Variants in RACGAP1 observed in about 807,000 individuals in gnomAD.
RACGAP1 encodes Rac GTPase activating protein 1.
Under a neutral mutation model 78.1 loss-of-function variants are expected in RACGAP1, and 30 were observed. The ratio of observed to expected loss-of-function variants is 0.38; its 90% CI spans 0.29 to 0.52. RACGAP1 has a LOEUF of 0.52. Among genes scored for constraint, RACGAP1 ranks in the 20% least tolerant of loss-of-function variants. The probability of loss-of-function intolerance (pLI) is 0.82; values close to 1 mark genes in which losing one functional copy is unlikely to be tolerated. For synonymous variants in RACGAP1, 231 were observed against 264.8 expected (o/e 0.87, Z 1.24); for missense variants, 587 against 777.1 (o/e 0.76, Z 2.91).
chr12:50,000,574 C>G (rs11829698), intron 7 of RACGAP1, among the ~76,000 whole-genome samples: 10,960 of 151,986 alleles, frequency 0.072, 1,326 homozygotes, highest in African/African-American at 0.25. Context: ...TCGAGTCATC[C>G]TGGGCAGCAA....
chr12:49,999,207 C>A lies in RACGAP1; in HGVS notation c.813G>T (p.Glu271Asp). 1 of 1,614,150 alleles carries A rather than the reference C, an allele frequency of 6.2e-7. No homozygotes were observed. Among genetic ancestry groups the A allele is most frequent in the South Asian group, 1.1e-5 (1 of 91,072 alleles). The change falls in exon 9 of 17, where the codon GAG (glutamate) becomes GAT (aspartate). Residue 271 changes from glutamate to aspartate, a missense_variant. By Grantham distance (45) the Glu-to-Asp change is conservative. Transcript: ENST00000312377. ...LNSRQLEPRT[E>D]TDSVGTPQSN... ...TCTGTGGCGTGCCCACACTGTCTGT[C>A]TCAGTTCTTGGCTCCAGCTGCCTGC...
intron 2 of RACGAP1, among the ~76,000 whole-genome samples, chr12:50,011,134 C>CAA (rs1376303245): frequency 6.6e-6 from 1 of 151,732 alleles, no homozygotes; most frequent in Non-Finnish European, 1.5e-5. Context: ...GTCAGGAGTT[C>CAA]AAGACCAGCC....
At chr12:50,006,698 A>G in intron 2 of RACGAP1, 62 bp from the exon 3 acceptor site, 1 of 1,489,284 alleles carries the variant, frequency 6.7e-7, no homozygotes, top group Non-Finnish European at 9.2e-7. Context: ...GCTCTAATAA[A>G]TGAGTCCTAC....
At chr12:50,005,192 T>A in intron 4 of RACGAP1, 64 bp downstream of exon 4, 1 of 1,594,652 alleles carries the variant, frequency 6.3e-7, no homozygotes, top group Non-Finnish European at 8.6e-7. Context: ...AGAATTCAGA[T>A]AACAAGAATA....
intron 1 of RACGAP1, among the ~76,000 whole-genome samples, chr12:50,024,561 C>G (rs1024272358): frequency 6.4e-4 from 98 of 152,096 alleles, no homozygotes; most frequent in Non-Finnish European, 1.9e-4. Context: ...GTACAATGTT[C>G]ACTATTTGAG....
In RACGAP1 at chr12:50,000,018, A is replaced by ATTT. The variant is rs757681041; in HGVS notation, c.631-288_631-286dup. ...AAGCATGCGCCACCACACCTGACTG[A>ATTT]TTTTTTTTTTTTTGAGACGGAGTCT... is the stretch of plus-strand genomic sequence containing the variant. On this transcript the variant is annotated intron_variant, in intron 7 of 16. Coordinates refer to ENST00000312377, the MANE Select transcript of RACGAP1 (RefSeq NM_001319999.2). Among the ~76,000 whole-genome samples, 216 of 99,612 alleles carry ATTT rather than the reference A, an allele frequency of 2.2e-3. 8 individuals carry two copies. The East Asian group carries it at 0.038, about 17-fold the overall frequency. The allele number at this position is 99,612 out of a possible 152,430, so 65.3% of individuals were successfully genotyped here. A position where few individuals can be genotyped will look rare whatever the true frequency, so the allele number is the denominator to read the frequency against.
chr12:50,025,193 C>T lies in RACGAP1; in HGVS notation c.-5+205G>A, dbSNP rs890187150. ...ACAAAACCCGGCGCCAAGACAGAAG[C>T]CCCCGACCCTCCCAGGCCGCGTCCA... On this transcript the variant is annotated intron_variant, in intron 1 of 16. Transcript: ENST00000312377. 12 of 599,374 alleles carry T rather than the reference C, an allele frequency of 2.0e-5. No individual in the cohort carries two copies. The South Asian group carries it at 8.1e-4, about 41-fold the overall frequency. The allele number at this position is 599,374 out of a possible 1,614,324, so 37.1% of individuals were successfully genotyped here.
chr12:50,013,303 C>T (rs1424388752), intron 2 of RACGAP1, among the ~76,000 whole-genome samples: 1 of 152,066 alleles, frequency 6.6e-6, no homozygotes, highest in African/African-American at 2.4e-5. Flanking sequence ...AGCACTCCCA[C>T]AAAGAAAATA....
At chr12:50,004,902 A>C (rs2137428023) in intron 4 of RACGAP1, among the ~76,000 whole-genome samples, 1 of 152,338 alleles carries the variant, frequency 6.6e-6, no homozygotes, top group East Asian at 1.9e-4. Flanking sequence ...CTAAACCAGA[A>C]GAGCTGTAAG....
At chr12:50,013,508 A>G (rs1949477686) in intron 2 of RACGAP1, among the ~76,000 whole-genome samples, 1 of 151,984 alleles carries the variant, frequency 6.6e-6, no homozygotes, top group African/African-American at 2.4e-5. Flanking sequence ...CTTCATAACC[A>G]CCATTCCAGT....
upstream of RACGAP1, among the ~76,000 whole-genome samples, chr12:50,025,886 A>G (rs1481914888): frequency 5.9e-5 from 9 of 152,196 alleles, no homozygotes; most frequent in African/African-American, 1.7e-4. Flanking sequence ...ACTGAGCTAT[A>G]TTATCCCTTC....
intron 1 of RACGAP1, among the ~76,000 whole-genome samples, chr12:50,019,251 C>A (rs76465602): frequency 0.011 from 1,656 of 152,256 alleles, 50 homozygotes; most frequent in Admixed American, 0.059. Flanking sequence ...CCTTCCCCTA[C>A]TGCTTCAGGC....
At chr12:49,991,234 A>G (rs1490591366) in intron 15 of RACGAP1, among the ~76,000 whole-genome samples, 1 of 151,970 alleles carries the variant, frequency 6.6e-6, no homozygotes, top group African/African-American at 2.4e-5. Flanking sequence ...ACATACCAAG[A>G]CACATAAAAA....
At chr12:50,031,330 T>G (rs931317840) in intron 2 of RACGAP1, among the ~76,000 whole-genome samples, 3 of 150,684 alleles carry the variant, frequency 2.0e-5, no homozygotes, top group Non-Finnish European at 4.4e-5. Flanking sequence ...TACAAAAAAA[T>G]TAGCCGGCCA....
rs1336987722 is a variant in RACGAP1, at chr12:50,002,232, A to C, written c.549+15T>G. 6.2e-7 allele frequency: 1 copy of C among 1,610,278 alleles called. No individual in the cohort carries two copies. The highest frequency in any genetic ancestry group is 1.1e-5 in the South Asian group (1 of 90,730). On this transcript the variant is annotated intron_variant, in intron 6 of 16. Coordinates refer to ENST00000312377, the MANE Select transcript of RACGAP1 (RefSeq NM_001319999.2). ...TTACTTTGTTTTAAAAAAAGACTAAACAAATCATACATACCCTCTTTTCTC... is the reference window on the plus strand; with the variant it reads ...TTACTTTGTTTTAAAAAAAGACTAACCAAATCATACATACCCTCTTTTCTC...
At chr12:50,008,571 C>A (rs1592184338) in intron 2 of RACGAP1, among the ~76,000 whole-genome samples, 1 of 152,068 alleles carries the variant, frequency 6.6e-6, no homozygotes, top group Admixed American at 6.6e-5. Context: ...TGGCTCACCG[C>A]AACCTCCGCC....
chr12:50,009,924 C>T (rs2137504762), intron 2 of RACGAP1, among the ~76,000 whole-genome samples: 1 of 152,296 alleles, frequency 6.6e-6, no homozygotes, highest in African/African-American at 2.4e-5. Flanking sequence ...TTCTAGATTA[C>T]CCAAAAGCAT....
At chr12:50,024,735 C>G (rs1008343102) in intron 1 of RACGAP1, among the ~76,000 whole-genome samples, 11 of 151,866 alleles carry the variant, frequency 7.2e-5, no homozygotes, top group African/African-American at 2.4e-4. Context: ...CTCTAAACAC[C>G]TACAATAACT....
chr12:50,009,257 A>AAAAAAAG (rs1424173838), intron 2 of RACGAP1, among the ~76,000 whole-genome samples: 1 of 151,912 alleles, frequency 6.6e-6, no homozygotes, highest in Non-Finnish European at 1.5e-5. Flanking sequence ...AAAAAAAAAA[A>AAAAAAAG]AAAAAAGATT....
Sources: gnomAD v4.1 joint callset for allele counts (sites outside exome capture counted in the v4.1 genomes callset) on GRCh38, gnomAD v4.1.1 for gene constraint, MANE v1.5 for transcripts, NCBI Gene and HGNC (gene_info 2026-07-23, HGNC 2026-07-21) for gene names.